SUGCT: variants seen among roughly 807,000 people sequenced by gnomAD.
SUGCT encodes succinyl-CoA:glutarate-CoA transferase.
A neutral mutation model predicts 55.0 loss-of-function variants in SUGCT; 41 were observed. That is an observed-to-expected ratio of 0.74 (90% CI 0.58 to 0.97). The LOEUF (loss-of-function observed/expected upper bound fraction) is 0.97. Among genes scored for constraint, SUGCT ranks in the 50% least tolerant of loss-of-function variants. SUGCT has a pLI of 0.00. For missense variants in SUGCT, 568 were observed against 547.8 expected (o/e 1.04, Z -0.37); for synonymous variants, 187 against 200.4 (o/e 0.93, Z 0.56).
the SUGCT span, among the ~76,000 whole-genome samples, chr7:40,943,749 C>T: frequency 9.9e-5 from 15 of 152,074 alleles, no homozygotes; most frequent in East Asian, 5.8e-4. Flanking sequence ...TACGTGTTCA[C>T]GTGTCTTTAT....
At chr7:40,660,149 A>T (rs1032099216) in intron 12 of SUGCT, among the ~76,000 whole-genome samples, 5 of 152,230 alleles carry the variant, frequency 3.3e-5, no homozygotes, top group Non-Finnish European at 7.3e-5. Context: ...GGATTGCTCT[A>T]TATAGTCATT....
In SUGCT at chr7:40,665,249, G is replaced by C. The variant is rs188360307; in HGVS notation, c.1090-84185G>C. Among the ~76,000 whole-genome samples, 6 of 151,418 alleles carry C rather than the reference G, an allele frequency of 4.0e-5. No individual in the cohort carries two copies. In the East Asian group the frequency reaches 1.2e-3, roughly 30 times the overall value. On this transcript the variant is annotated intron_variant, in intron 12 of 13. Coordinates refer to ENST00000335693, the MANE Select transcript of SUGCT (RefSeq NM_001193313.2). Reference sequence around the variant, plus strand: ...AGGTCAGGAGTTTGAGACCAGCCTGGCTAACATGGTGAAACCCTGTCGCTA... The same window carrying C: ...AGGTCAGGAGTTTGAGACCAGCCTGCCTAACATGGTGAAACCCTGTCGCTA...
intron 1 of SUGCT, among the ~76,000 whole-genome samples, chr7:40,145,653 T>C (rs559199232): frequency 1.3e-5 from 2 of 152,230 alleles, no homozygotes; most frequent in Non-Finnish European, 2.9e-5. Context: ...TTACTTTTGT[T>C]GAAAACCTTG....
intron 1 of SUGCT, among the ~76,000 whole-genome samples, chr7:40,163,332 A>G (rs1160311984): frequency 1.3e-5 from 2 of 152,104 alleles, no homozygotes; most frequent in Non-Finnish European, 2.9e-5. Context: ...TTGGCTGGGC[A>G]TAGTTGCTCA....
At chr7:40,612,497 C>A (rs1028803394) in intron 12 of SUGCT, among the ~76,000 whole-genome samples, 14 of 152,132 alleles carry the variant, frequency 9.2e-5, no homozygotes, top group African/African-American at 3.4e-4. Context: ...TTTGGCAAAC[C>A]AAAGCTTTTG....
At chr7:40,991,876 T>TTC in the SUGCT span, among the ~76,000 whole-genome samples, 1 of 152,082 alleles carries the variant, frequency 6.6e-6, no homozygotes, top group Non-Finnish European at 1.5e-5. Context: ...AAGCTGAGTT[T>TTC]TCTCAGCTAT....
chr7:40,301,811 A>G (rs1794557979), intron 8 of SUGCT, among the ~76,000 whole-genome samples: 3 of 152,172 alleles, frequency 2.0e-5, no homozygotes. Context: ...AAGTTCATTT[A>G]TTTTGATTTC....
intron 1 of SUGCT, among the ~76,000 whole-genome samples, chr7:40,161,625 A>G (rs1784152326): frequency 2.0e-5 from 3 of 152,224 alleles, no homozygotes; most frequent in African/African-American, 2.4e-5. Flanking sequence ...CACGTCACCA[A>G]TGTTGAGAAA....
At chr7:40,273,995 A>G (rs1340862145) in intron 7 of SUGCT, among the ~76,000 whole-genome samples, 3 of 150,554 alleles carry the variant, frequency 2.0e-5, no homozygotes, top group Non-Finnish European at 3.0e-5. Context: ...CTTTTTTTAA[A>G]TTATTAAGCA....
chr7:40,897,543 T>C, the SUGCT span, among the ~76,000 whole-genome samples: 1 of 151,588 alleles, frequency 6.6e-6, no homozygotes, highest in African/African-American at 2.4e-5. Flanking sequence ...AGGATCCAAG[T>C]TATGTTGTAG....
intron 6 of SUGCT, among the ~76,000 whole-genome samples, chr7:40,231,648 T>C (rs1366841138): frequency 1.3e-5 from 2 of 152,074 alleles, no homozygotes; most frequent in African/African-American, 4.8e-5. Flanking sequence ...AGATAGGGCA[T>C]TGGGAAAACA....
At chr7:40,227,343 C>CCTGGCCAGTATAATA (rs1788438664) in intron 6 of SUGCT, among the ~76,000 whole-genome samples, 1 of 152,094 alleles carries the variant, frequency 6.6e-6, no homozygotes, top group Non-Finnish European at 1.5e-5. Context: ...AGCCACCACA[C>CCTGGCCAGTATAATA]CTGGCCAGTA....
chr7:40,506,537 A>G (rs1288330559), intron 12 of SUGCT, among the ~76,000 whole-genome samples: 1 of 152,150 alleles, frequency 6.6e-6, no homozygotes, highest in East Asian at 1.9e-4. Flanking sequence ...CGTATTGTTT[A>G]TACAATTGAT....
At chr7:40,795,490 G>A (rs971270523) in intron 13 of SUGCT, among the ~76,000 whole-genome samples, 2 of 151,970 alleles carry the variant, frequency 1.3e-5, no homozygotes, top group East Asian at 1.9e-4. Flanking sequence ...AAATCTTCAC[G>A]AAAAAGAACT....
intron 13 of SUGCT, among the ~76,000 whole-genome samples, chr7:40,828,334 C>G (rs1321435787): frequency 2.0e-5 from 3 of 152,152 alleles, no homozygotes; most frequent in Non-Finnish European, 4.4e-5. Flanking sequence ...GGCACATGGT[C>G]TTTCTTGTCC....
At chr7:40,473,132 A>T (rs1790485336) in intron 11 of SUGCT, among the ~76,000 whole-genome samples, 1 of 152,200 alleles carries the variant, frequency 6.6e-6, no homozygotes, top group African/African-American at 2.4e-5. Context: ...TTCTGATGAA[A>T]CACAGTCCAC....
At chr7:40,521,896 T>C (rs1280633408) in intron 12 of SUGCT, among the ~76,000 whole-genome samples, 2 of 152,120 alleles carry the variant, frequency 1.3e-5, no homozygotes, top group Non-Finnish European at 2.9e-5. Context: ...AGAATATATT[T>C]AGATGTGAGT....
At chr7:40,551,747 T>A (rs763255197) in intron 12 of SUGCT, among the ~76,000 whole-genome samples, 1 of 152,190 alleles carries the variant, frequency 6.6e-6, no homozygotes, top group Non-Finnish European at 1.5e-5. Flanking sequence ...AGTGTCACAA[T>A]ACAGCCATGT....
At chr7:40,466,763 T>C (rs933815693) in intron 11 of SUGCT, among the ~76,000 whole-genome samples, 26 of 152,274 alleles carry the variant, frequency 1.7e-4, no homozygotes, top group African/African-American at 6.0e-4. Context: ...AGTGAGGACT[T>C]TGAATGAACT....
Sources: allele counts gnomAD v4.1 joint callset (sites outside exome capture counted in the v4.1 genomes callset), GRCh38; gene constraint gnomAD v4.1.1; transcripts MANE v1.5; gene names NCBI Gene and HGNC (gene_info 2026-07-23, HGNC 2026-07-21).